WWOX: variants seen among roughly 807,000 people sequenced by gnomAD.
WWOX encodes WW domain containing oxidoreductase, also known as WW domain-containing oxidoreductase.
Under a neutral mutation model 46.2 loss-of-function variants are expected in WWOX, and 69 were observed. The observed-to-expected ratio is 1.49, with a 90% CI of 1.23 to 1.82. WWOX has a LOEUF of 1.82. Among genes scored for constraint, WWOX ranks in the 40% most tolerant of loss-of-function variants. WWOX has a pLI of 0.00. For missense variants in WWOX, 919 were observed against 542.6 expected, an observed-to-expected ratio of 1.69 and a Z score of -6.89; for synonymous variants, 359 against 202.6, an observed-to-expected ratio of 1.77 and a Z score of -6.56.
At chr16:78,734,599 G>A (rs916309758) in intron 8 of WWOX, among the ~76,000 whole-genome samples, 1 of 152,010 alleles carries the variant, frequency 6.6e-6, no homozygotes, top group Non-Finnish European at 1.5e-5. Context: ...TTAGTTTCCT[G>A]TTTCAACTTG....
At chr16:78,269,121 A>T (rs1373856516) in intron 5 of WWOX, 2 of 152,228 alleles carry the variant, frequency 1.3e-5, no homozygotes, top group Non-Finnish European at 2.9e-5. Flanking sequence ...GCTGTGTAAT[A>T]TTCCACAACC....
chr16:78,646,540 G>C (rs2046849036), intron 8 of WWOX, among the ~76,000 whole-genome samples: 1 of 151,924 alleles, frequency 6.6e-6, no homozygotes, highest in Non-Finnish European at 1.5e-5. Flanking sequence ...CAATTCTCTG[G>C]CCTCAGCCTC....
chr16:78,973,361 A>C (rs376309489), intron 8 of WWOX, among the ~76,000 whole-genome samples: 1 of 152,264 alleles, frequency 6.6e-6, no homozygotes, highest in South Asian at 2.1e-4. Flanking sequence ...AAAAGGGAGA[A>C]AAATAGAACT....
chr16:78,368,624 G>GTATTA (rs962471075), intron 5 of WWOX, among the ~76,000 whole-genome samples: 44 of 152,228 alleles, frequency 2.9e-4, no homozygotes, highest in African/African-American at 1.1e-3. Context: ...AGGCCAGGGT[G>GTATTA]TATTAACATG....
chr16:78,461,716 A>G (rs1345676622), intron 8 of WWOX, among the ~76,000 whole-genome samples: 1 of 152,210 alleles, frequency 6.6e-6, no homozygotes, highest in Non-Finnish European at 1.5e-5. Flanking sequence ...AGTCGATTGG[A>G]CATGCCCTAT....
chr16:78,674,749 C>A (rs1597428905), intron 8 of WWOX, among the ~76,000 whole-genome samples: 1 of 151,778 alleles, frequency 6.6e-6, no homozygotes, highest in African/African-American at 2.4e-5. Flanking sequence ...ATGACTGCAA[C>A]TGAAAAGAGG....
At position 78,966,522 on chromosome 16, in the gene WWOX, T is replaced by A. The variant is rs192145054; in HGVS notation, c.1057-245086T>A. 6.5e-3 allele frequency among the ~76,000 whole-genome samples: 984 copies of A among 152,266 alleles called. 5 individuals carry two copies. Among genetic ancestry groups the A allele is most frequent in the Admixed American group, 9.9e-3 (151 of 15,302 alleles). On this transcript the variant is annotated intron_variant, in intron 8 of 8. Transcript: ENST00000566780. ...GTGGCTATGACTGTAGTTTTTTTTT[T>A]AACTCTTCCCCTAATAGTGAAAATT...
In WWOX at chr16:79,137,270, G is replaced by A. The variant is rs115078206; in HGVS notation, c.1057-74338G>A. The stretch of plus-strand genomic sequence containing the variant: ...ATAGAAATCACCATGCTTCCTTTTA[G>A]AAGAAAATGATGGTATCACATGGAG... On this transcript the variant is annotated intron_variant, in intron 8 of 8. Coordinates refer to ENST00000566780, the MANE Select transcript of WWOX (RefSeq NM_016373.4). 1.9e-3 allele frequency among the ~76,000 whole-genome samples: 289 copies of A among 152,300 alleles called. 1 individual carries two copies. Among genetic ancestry groups the A allele is most frequent in the African/African-American group, 6.6e-3 (274 of 41,558 alleles).
At chr16:78,439,498 A>G (rs1029223015) in intron 8 of WWOX, among the ~76,000 whole-genome samples, 1 of 152,222 alleles carries the variant, frequency 6.6e-6, no homozygotes, top group Non-Finnish European at 1.5e-5. Context: ...CATTATGTCC[A>G]AAGCTTTTAA....
intron 4 of WWOX, among the ~76,000 whole-genome samples, chr16:78,158,086 T>C (rs2034665252): frequency 1.3e-5 from 2 of 152,228 alleles, no homozygotes; most frequent in South Asian, 2.1e-4. Flanking sequence ...TGTGTCCAAC[T>C]TGAGTTTTCC....
chr16:79,049,434 C>T lies in WWOX; in HGVS notation c.1057-162174C>T, dbSNP rs550984789. ...TAGGACGCAAAACCTTGAGGGGCAT[C>T]GATATTCTGGTACAGCTGTCACCCA... On this transcript the variant is annotated intron_variant, in intron 8 of 8. Transcript: ENST00000566780. Among the ~76,000 whole-genome samples, 10 of 152,250 alleles carry T rather than the reference C, an allele frequency of 6.6e-5. No individual in the cohort carries two copies. The East Asian group carries it at 1.5e-3, about 24-fold the overall frequency.
intron 8 of WWOX, among the ~76,000 whole-genome samples, chr16:78,861,074 C>T (rs903007782): frequency 2.0e-5 from 3 of 152,138 alleles, no homozygotes; most frequent in African/African-American, 4.8e-5. Context: ...CTTGCCTTGG[C>T]CTCCCAAAGT....
intron 8 of WWOX, among the ~76,000 whole-genome samples, chr16:78,974,897 C>T (rs1374471148): frequency 2.0e-5 from 3 of 152,164 alleles, no homozygotes; most frequent in Non-Finnish European, 4.4e-5. Context: ...AAATGCTCAG[C>T]TGCAAGTCAG....
intron 8 of WWOX, among the ~76,000 whole-genome samples, chr16:78,680,745 G>T (rs2047710493): frequency 6.6e-6 from 1 of 152,186 alleles, no homozygotes; most frequent in Non-Finnish European, 1.5e-5. Flanking sequence ...ACAGTAGAGT[G>T]TCCCATTGCA....
intron 8 of WWOX, among the ~76,000 whole-genome samples, chr16:78,800,255 A>G (rs1368245779): frequency 6.6e-6 from 1 of 152,120 alleles, no homozygotes; most frequent in Non-Finnish European, 1.5e-5. Flanking sequence ...GGCAAAAAAA[A>G]AAAGTCGAGC....
chr16:78,786,015 T>G (rs1056188135), intron 8 of WWOX, among the ~76,000 whole-genome samples: 1 of 152,214 alleles, frequency 6.6e-6, no homozygotes, highest in Admixed American at 6.5e-5. Flanking sequence ...CAAGCGATTC[T>G]CATGGCTTAG....
At chr16:78,708,962 T>C (rs1191765443) in intron 8 of WWOX, among the ~76,000 whole-genome samples, 1 of 152,190 alleles carries the variant, frequency 6.6e-6, no homozygotes, top group African/African-American at 2.4e-5. Flanking sequence ...TCAGTGTCAC[T>C]TGCACATCCA....
intron 8 of WWOX, among the ~76,000 whole-genome samples, chr16:78,547,127 G>GAAAAAAAAAAAAAAAAA (rs199726097): frequency 9.1e-5 from 8 of 87,506 alleles, no homozygotes; most frequent in African/African-American, 4.1e-4. Flanking sequence ...CCTTGTCTCA[G>GAAAAAAAAAAAAAAAAA]AAAAAAAAAA....
chr16:79,095,004 C>G (rs1457322558), intron 8 of WWOX, among the ~76,000 whole-genome samples: 1 of 152,120 alleles, frequency 6.6e-6, no homozygotes, highest in African/African-American at 2.4e-5. Context: ...ATGGTTCTGG[C>G]TTATTTCTAA....
Sources: allele counts gnomAD v4.1 joint callset (sites outside exome capture counted in the v4.1 genomes callset), GRCh38; gene constraint gnomAD v4.1.1; transcripts MANE v1.5; gene names NCBI Gene and HGNC (gene_info 2026-07-23, HGNC 2026-07-21).